The following PDIA3 variants were observed in gnomAD, a reference collection of about 807,000 sequenced individuals.
PDIA3 encodes protein disulfide isomerase family A member 3, also known as protein disulfide-isomerase A3.
A neutral mutation model predicts 56.9 loss-of-function variants in PDIA3; 16 were observed. That is an observed-to-expected ratio of 0.28 (90% CI 0.19 to 0.43). PDIA3 has a LOEUF of 0.43. PDIA3 is among the 20% of genes least tolerant of loss of function. PDIA3 has a pLI of 1.00. For missense variants in PDIA3, 485 were observed against 621.3 expected, an observed-to-expected ratio of 0.78 and a Z score of 2.33; for synonymous variants, 192 against 216.5, an observed-to-expected ratio of 0.89 and a Z score of 0.99.
intron 8 of PDIA3, among the ~76,000 whole-genome samples, chr15:43,767,786 A>G (rs989432559): frequency 3.3e-5 from 5 of 150,052 alleles, no homozygotes; most frequent in South Asian, 2.1e-4. Context: ...AAAAAAAAAA[A>G]AAAAGAAAGA....
At chr15:43,756,582 G>A (rs2086779713) in intron 2 of PDIA3, 67 bp from the exon 3 acceptor site, 1 of 894,896 alleles carries the variant, frequency 1.1e-6, no homozygotes, top group African/African-American at 1.6e-5. Context: ...CTAGTATTTT[G>A]AGAATATAGG....
intron 8 of PDIA3, 23 bp downstream of exon 8, chr15:43,766,933 A>G (rs2086850762): frequency 1.2e-6 from 2 of 1,608,424 alleles, no homozygotes; most frequent in Non-Finnish European, 1.7e-6. Context: ...TTGGGCTTTG[A>G]TTCTCCAAGG....
chr15:43,770,264 A>G lies in PDIA3; in HGVS notation c.1281A>G (p.Pro427=), dbSNP rs1053550. 6.2e-7 allele frequency: 1 copy of G among 1,614,054 alleles called. No homozygotes were observed. Among genetic ancestry groups the G allele is most frequent in the Non-Finnish European group, 8.5e-7 (1 of 1,179,880 alleles). The change falls in exon 11 of 13, where the codon CCA becomes CCG. Residue 427 remains proline, a synonymous_variant. Transcript: ENST00000300289. ...KELGEKLSKD[P]NIVIAKMDAT... ...TTTATTAACAGCTCAGCAAAGACCCAAATATCGTCATAGCCAAGATGGATG... is the reference window on the plus strand; with the variant it reads ...TTTATTAACAGCTCAGCAAAGACCCGAATATCGTCATAGCCAAGATGGATG...
intron 2 of PDIA3, among the ~76,000 whole-genome samples, 162 bp from the exon 3 acceptor site, chr15:43,756,487 G>T (rs2086779163): frequency 6.6e-6 from 1 of 152,208 alleles, no homozygotes; most frequent in Non-Finnish European, 1.5e-5. Flanking sequence ...GATGTAGTTA[G>T]GCAAGCTCCA....
intron 1 of PDIA3, chr15:43,751,494 A>G: frequency 2.5e-6 from 2 of 796,618 alleles, no homozygotes; most frequent in South Asian, 2.9e-5. Flanking sequence ...ATTGTGTTTT[A>G]ATATTTTCTA....
intron 3 of PDIA3, 41 bp downstream of exon 3, chr15:43,756,807 A>G (rs370865414): frequency 1.9e-6 from 2 of 1,055,644 alleles, no homozygotes; most frequent in Non-Finnish European, 2.9e-6. Flanking sequence ...GATGTTAAGT[A>G]CCTTATTCTT....
intron 1 of PDIA3, chr15:43,746,996 C>T: frequency 9.8e-6 from 5 of 510,884 alleles, no homozygotes; most frequent in East Asian, 3.6e-5. Flanking sequence ...CCCCTTCCCC[C>T]AGTCCAATAT....
chr15:43,749,776 C>T (rs1437697212), intron 1 of PDIA3, among the ~76,000 whole-genome samples: 1 of 152,038 alleles, frequency 6.6e-6, no homozygotes, highest in Non-Finnish European at 1.5e-5. Flanking sequence ...CCCATCTCTA[C>T]TAAAAAATGA....
intron 3 of PDIA3, 53 bp downstream of exon 3, chr15:43,756,819 G>A: frequency 1.0e-6 from 1 of 955,962 alleles, no homozygotes; most frequent in Admixed American, 2.0e-5. Flanking sequence ...CTTATTCTTT[G>A]TAGTGGAAAC....
At chr15:43,752,254 C>T (rs1056001080) in intron 1 of PDIA3, among the ~76,000 whole-genome samples, 2 of 152,170 alleles carry the variant, frequency 1.3e-5, no homozygotes, top group Non-Finnish European at 2.9e-5. Flanking sequence ...AGCGTTAAAT[C>T]CTTAAAGACC....
chr15:43,771,234 C>G lies in PDIA3; in HGVS notation c.*16C>G. 1.3e-6 allele frequency: 2 copies of G among 1,508,348 alleles called. No homozygotes were observed. Among genetic ancestry groups the G allele is most frequent in the Non-Finnish European group, 1.8e-6 (2 of 1,088,280 alleles). 93.4% of individuals were successfully genotyped at this position (1,508,348 alleles called of 1,614,324 possible). ...GGATCTCTAAAGCAGTAGCCAAACACCACTTTGTAAAAGGACTCTTCCATC... is the reference window on the plus strand; with the variant it reads ...GGATCTCTAAAGCAGTAGCCAAACAGCACTTTGTAAAAGGACTCTTCCATC... On this transcript the variant is annotated 3_prime_UTR_variant, in exon 13 of 13. Coordinates refer to ENST00000300289, the MANE Select transcript of PDIA3 (RefSeq NM_005313.5).
intron 9 of PDIA3, 130 bp downstream of exon 9, chr15:43,768,727 T>C (rs1448753505): frequency 1.6e-6 from 1 of 644,578 alleles, no homozygotes; most frequent in Non-Finnish European, 2.7e-6. Context: ...TCCCGAGTCA[T>C]AAAATAAGCA....
chr15:43,770,483 C>A, intron 11 of PDIA3, 40 bp from the exon 12 acceptor site: 1 of 1,490,612 alleles, frequency 6.7e-7, no homozygotes, highest in Non-Finnish European at 9.4e-7. Flanking sequence ...AGTATGGGCC[C>A]ACATAACTGC....
intron 4 of PDIA3, among the ~76,000 whole-genome samples, chr15:43,762,465 C>T (rs187334410): frequency 1.9e-4 from 28 of 149,940 alleles, no homozygotes; most frequent in African/African-American, 6.4e-4. Flanking sequence ...GAGCTAAGAT[C>T]GCGCCATTGT....
intron 1 of PDIA3, among the ~76,000 whole-genome samples, chr15:43,751,994 C>T (rs766036322): frequency 9.2e-5 from 14 of 152,284 alleles, no homozygotes; most frequent in South Asian, 2.1e-4. Flanking sequence ...GCTGCCATTC[C>T]GGTCCAAGCT....
intron 8 of PDIA3, 116 bp from the exon 9 acceptor site, chr15:43,768,372 TC>T: frequency 1.5e-6 from 1 of 646,318 alleles, no homozygotes. Context: ...GAGATGAGAG[TC>T]CCCCTTTTTT....
intron 10 of PDIA3, among the ~76,000 whole-genome samples, 184 bp downstream of exon 10, chr15:43,769,830 C>G (rs572968906): frequency 6.6e-6 from 1 of 152,284 alleles, no homozygotes; most frequent in East Asian, 1.9e-4. Context: ...GCCTGAGATA[C>G]CCACTTTTAA....
chr15:43,753,116 C>T (rs2086755379), intron 1 of PDIA3, among the ~76,000 whole-genome samples: 1 of 144,544 alleles, frequency 6.9e-6, no homozygotes, highest in South Asian at 2.3e-4. Flanking sequence ...CTTATTCTGT[C>T]ACCCAGGCTG....
At chr15:43,765,313 C>G (rs2086840911) in intron 5 of PDIA3, 137 bp from the exon 6 acceptor site, 3 of 668,580 alleles carry the variant, frequency 4.5e-6, no homozygotes, top group Admixed American at 4.7e-5. Context: ...CCTAGGAGTT[C>G]AAGGCTACAG....
Sources: gnomAD v4.1 joint callset for allele counts (sites outside exome capture counted in the v4.1 genomes callset) on GRCh38, gnomAD v4.1.1 for gene constraint, MANE v1.5 for transcripts, NCBI Gene and HGNC (gene_info 2026-07-23, HGNC 2026-07-21) for gene names.